The following CAB39 variants were observed in gnomAD, a reference collection of about 807,000 sequenced individuals.
The protein encoded by CAB39 is calcium-binding protein 39.
CAB39 carries 8 observed loss-of-function variants against 40.0 expected under a neutral mutation model. The ratio of observed to expected loss-of-function variants is 0.20; its 90% CI spans 0.12 to 0.36. CAB39 has a LOEUF of 0.36. CAB39 is among the 10% of genes least tolerant of loss of function. The pLI, the probability that CAB39 is intolerant of heterozygous loss-of-function variation, is 1.00. For missense variants in CAB39, 270 were observed against 401.1 expected (o/e 0.67, Z 2.79); for synonymous variants, 156 against 141.6 (o/e 1.10, Z -0.72).
rs114840756 is a variant in CAB39, at chr2:230,761,273, A to G, written c.114+1158A>G. Among the ~76,000 whole-genome samples the G allele has an allele frequency of 4.9e-3, 747 of 152,310 alleles. 6 individuals are homozygous for G. Among genetic ancestry groups the G allele is most frequent in the African/African-American group, 0.017 (702 of 41,560 alleles). On this transcript the variant is annotated intron_variant, in intron 2 of 8. Transcript: ENST00000258418. ...AAAGATGTTGCTATCTCAGCCACCA[A>G]TGTCATAGTCTCTGGTTCTGTGGCA...
rs1236455196 is a variant in CAB39 at position 230,790,867 on chromosome 2, A to T, written c.115-5A>T. 6.3e-7 allele frequency: 1 copy of T among 1,595,106 alleles called. No individual in the cohort carries two copies. Among genetic ancestry groups the T allele is most frequent in the South Asian group, 1.1e-5 (1 of 87,192 alleles). On this transcript the variant is annotated splice_polypyrimidine_tract_variant and splice_region_variant and intron_variant, in intron 2 of 8. Coordinates refer to ENST00000258418, the MANE Select transcript of CAB39 (RefSeq NM_016289.4). ...CCTCTTCCCAACTCCTCTCTCTAAAATTAGGCTACAGAAGAAGTTTCCAAA... is the reference window on the plus strand; with the variant it reads ...CCTCTTCCCAACTCCTCTCTCTAAATTTAGGCTACAGAAGAAGTTTCCAAA...
chr2:230,750,428 C>T (rs546607014), intron 1 of CAB39, among the ~76,000 whole-genome samples: 15 of 152,166 alleles, frequency 9.9e-5, no homozygotes, highest in East Asian at 1.9e-4. Context: ...GCTGACCAGA[C>T]GCTGCCACCT....
chr2:230,717,990 A>T (rs937299264), intron 1 of CAB39, among the ~76,000 whole-genome samples: 1 of 152,148 alleles, frequency 6.6e-6, no homozygotes, highest in Non-Finnish European at 1.5e-5. Context: ...TATGATCTTT[A>T]ATAGCTTTTG....
At chr2:230,722,933 T>G (rs1694480155) in intron 1 of CAB39, among the ~76,000 whole-genome samples, 1 of 152,200 alleles carries the variant, frequency 6.6e-6, no homozygotes, top group Non-Finnish European at 1.5e-5. Context: ...GCAAATTGAC[T>G]CTCGGTTGCC....
chr2:230,737,956 T>G (rs958711206), intron 1 of CAB39, among the ~76,000 whole-genome samples: 3 of 152,192 alleles, frequency 2.0e-5, no homozygotes, highest in African/African-American at 7.2e-5. Flanking sequence ...CACTTGGGTT[T>G]TTCACCTTCT....
chr2:230,817,726 C>A, intron 7 of CAB39, 28 bp from the exon 8 acceptor site: 1 of 1,516,342 alleles, frequency 6.6e-7, no homozygotes, highest in Non-Finnish European at 8.9e-7. Flanking sequence ...GTTTTAATAA[C>A]AAGGTAATTG....
At chr2:230,730,342 G>T (rs1438265542) in intron 1 of CAB39, among the ~76,000 whole-genome samples, 1 of 151,902 alleles carries the variant, frequency 6.6e-6, no homozygotes, top group African/African-American at 2.4e-5. Context: ...TAAATGATTG[G>T]TTATTCTTTG....
chr2:230,807,678 A>C (rs1207775084), intron 5 of CAB39, among the ~76,000 whole-genome samples: 1 of 152,120 alleles, frequency 6.6e-6, no homozygotes, highest in Non-Finnish European at 1.5e-5. Context: ...CTTTTGAGAT[A>C]CCTTACAGAG....
intron 6 of CAB39, among the ~76,000 whole-genome samples, chr2:230,811,917 T>A (rs570478073): frequency 9.1e-4 from 138 of 152,328 alleles, no homozygotes; most frequent in African/African-American, 3.2e-3. Context: ...TGTTAATAGA[T>A]GACATCAGTT....
At chr2:230,732,569 C>T (rs987104358) in intron 1 of CAB39, among the ~76,000 whole-genome samples, 1 of 152,096 alleles carries the variant, frequency 6.6e-6, no homozygotes, top group Non-Finnish European at 1.5e-5. Flanking sequence ...CCCTTGCTGT[C>T]TAGGGTCATG....
At chr2:230,734,295 A>G (rs1358606319) in intron 1 of CAB39, among the ~76,000 whole-genome samples, 1 of 152,166 alleles carries the variant, frequency 6.6e-6, no homozygotes, top group Non-Finnish European at 1.5e-5. Flanking sequence ...ATCTCTGTGC[A>G]GACTAGTTTT....
intron 5 of CAB39, 117 bp downstream of exon 5, chr2:230,799,014 T>TA (rs1696038516): frequency 1.5e-6 from 1 of 688,398 alleles, no homozygotes; most frequent in Admixed American, 3.2e-5. Context: ...AAGAGAAAGA[T>TA]ACATTTTGTA....
intron 1 of CAB39, among the ~76,000 whole-genome samples, chr2:230,735,645 C>G (rs1694776163): frequency 6.6e-6 from 1 of 152,054 alleles, no homozygotes; most frequent in Non-Finnish European, 1.5e-5. Flanking sequence ...TCCCAAGTAG[C>G]TGGAACCCTA....
rs1053602442 is a variant in CAB39, at chr2:230,820,675, C to T, written c.*1971C>T. 2.0e-5 allele frequency: 3 copies of T among 152,598 alleles called. No homozygotes were observed. The highest frequency in any genetic ancestry group is 4.4e-5 in the Non-Finnish European group (3 of 68,036). The allele number at this position is 152,598 out of a possible 1,614,324, so 9.5% of individuals were successfully genotyped here. The stretch of plus-strand genomic sequence containing the variant: ...TTCCACTTTGGCAGTGAGGTCGTAG[C>T]CTTTTAGGTGGAAGAAGTGAGGGTG... On this transcript the variant is annotated 3_prime_UTR_variant, in exon 9 of 9. Transcript: ENST00000258418.
rs543149533 is a variant in CAB39 at position 230,775,013 on chromosome 2, A to G, written c.114+14898A>G. 7.9e-5 allele frequency among the ~76,000 whole-genome samples: 12 copies of G among 152,324 alleles called. No homozygotes were observed. The South Asian group carries it at 2.5e-3, about 32-fold the overall frequency. On this transcript the variant is annotated intron_variant, in intron 2 of 8. Transcript: ENST00000258418. ...CATCTTGGTCTTCATTTACTTTGAT[A>G]TAGAACTTTCTTTTTTCAACAAGGT...
intron 1 of CAB39, chr2:230,752,032 C>T (rs368099586): frequency 6.2e-5 from 4 of 64,876 alleles, no homozygotes; most frequent in Admixed American, 2.5e-4. Context: ...TCTGACCACC[C>T]CCCCCCCCCC....
intron 2 of CAB39, among the ~76,000 whole-genome samples, chr2:230,775,206 C>G (rs1166299712): frequency 1.3e-5 from 2 of 151,290 alleles, no homozygotes; most frequent in South Asian, 4.2e-4. Flanking sequence ...CCCCCCAAAT[C>G]TGAGCTCTTT....
chr2:230,790,222 G>A (rs1025066692), intron 2 of CAB39, among the ~76,000 whole-genome samples: 7 of 150,722 alleles, frequency 4.6e-5, no homozygotes, highest in Admixed American at 2.0e-4. Context: ...AGGCCTGGGC[G>A]ACAGCACGAG....
intron 2 of CAB39, among the ~76,000 whole-genome samples, chr2:230,763,146 T>C (rs939550398): frequency 2.0e-5 from 3 of 152,220 alleles, no homozygotes; most frequent in African/African-American, 7.2e-5. Flanking sequence ...AATAACCATA[T>C]TGTCCAAAAC....
Sources: allele counts gnomAD v4.1 joint callset (sites outside exome capture counted in the v4.1 genomes callset), GRCh38; gene constraint gnomAD v4.1.1; transcripts MANE v1.5; gene names NCBI Gene and HGNC (gene_info 2026-07-23, HGNC 2026-07-21).